Variants in TF observed in about 807,000 individuals in gnomAD.
TF encodes the protein serotransferrin.
Under a neutral mutation model 82.4 loss-of-function variants are expected in TF, and 55 were observed. The observed-to-expected ratio is 0.67, with a 90% confidence interval of 0.54 to 0.84. The LOEUF is 0.84. Ranked by LOEUF, TF falls within the 40% of genes least tolerant of loss-of-function variation. The probability of loss-of-function intolerance (pLI) is 0.00; values close to 1 mark genes in which losing one functional copy is unlikely to be tolerated. For missense variants in TF, 737 were observed against 868.4 expected (o/e 0.85, Z 1.90); for synonymous variants, 332 against 332.6 (o/e 1.00, Z 0.02).
At chr3:133,732,995 C>A in the TF span, among the ~76,000 whole-genome samples, 2 of 152,174 alleles carry the variant, frequency 1.3e-5, no homozygotes, top group African/African-American at 4.8e-5. Flanking sequence ...CTTCTCTTGT[C>A]CTAATTCGTG....
At chr3:133,709,279 T>G in the TF span, among the ~76,000 whole-genome samples, 1 of 152,252 alleles carries the variant, frequency 6.6e-6, no homozygotes, top group South Asian at 2.1e-4. Flanking sequence ...CCTTTTACAC[T>G]AAGAACACAG....
the TF span, among the ~76,000 whole-genome samples, chr3:133,679,569 CTTTTTTTT>C: frequency 9.3e-5 from 7 of 75,382 alleles, no homozygotes. Context: ...CTTTGTTTGG[CTTTTTTTT>C]TTTTTTTTTT....
chr3:133,776,447 A>C (rs1432357645), intron 15 of TF, among the ~76,000 whole-genome samples: 1 of 152,202 alleles, frequency 6.6e-6, no homozygotes. Flanking sequence ...TTTTAAAAAA[A>C]ATAAGAGTAT....
the TF span, among the ~76,000 whole-genome samples, chr3:133,729,815 T>G: frequency 1.1e-4 from 16 of 151,966 alleles, no homozygotes; most frequent in Non-Finnish European, 2.4e-4. Context: ...CTCCCCCCCG[T>G]TTGGTTCTTT....
the TF span, among the ~76,000 whole-genome samples, chr3:133,691,213 T>G: frequency 2.0e-4 from 31 of 152,322 alleles, no homozygotes; most frequent in African/African-American, 7.2e-4. Context: ...GCTGTGAAGT[T>G]GCTTGCTTCT....
Position 133,777,692 on chromosome 3 carries a change from T to C in TF, c.2062+454T>C, listed in dbSNP as rs1404574688. 5 of 182,976 alleles carry C rather than the reference T, an allele frequency of 2.7e-5. No homozygotes were observed. In the East Asian group the frequency reaches 6.9e-4, roughly 25 times the overall value. The allele number at this position is 182,976 out of a possible 1,614,324, so 11.3% of individuals were successfully genotyped here. A position where few individuals can be genotyped will look rare whatever the true frequency, so the allele number is the denominator to read the frequency against. ...CTCAACAGCCACATGTGGCTCCATA[T>C]TGGTCAGCAAAGAGAATGTTTGCAT... On this transcript the variant is annotated intron_variant, in intron 16 of 16. Transcript: ENST00000402696.
Position 133,778,770 on chromosome 3 carries a change from A to G in TF, c.*150A>G. ...CATGTGTGCTGAACAAAAAATAAAA[A>G]TTATTATTGATTTTATATTTCAAAA... is the stretch of plus-strand genomic sequence containing the variant. On this transcript the variant is annotated 3_prime_UTR_variant, in exon 17 of 17. Coordinates refer to ENST00000402696, the MANE Select transcript of TF (RefSeq NM_001063.4). 1 of 664,552 alleles carries G rather than the reference A, an allele frequency of 1.5e-6. No individual in the cohort carries two copies. Among genetic ancestry groups the G allele is most frequent in the Non-Finnish European group, 2.5e-6 (1 of 392,308 alleles). The allele number at this position is 664,552 out of a possible 1,614,324, so 41.2% of individuals were successfully genotyped here. A position where few individuals can be genotyped will look rare whatever the true frequency, so the allele number is the denominator to read the frequency against.
the TF span, among the ~76,000 whole-genome samples, chr3:133,723,698 G>A: frequency 6.9e-4 from 102 of 147,158 alleles, no homozygotes; most frequent in South Asian, 1.9e-3. Flanking sequence ...GGGTACATGT[G>A]CACAATCTGC....
At chr3:133,735,957 A>C in the TF span, among the ~76,000 whole-genome samples, 1 of 152,168 alleles carries the variant, frequency 6.6e-6, no homozygotes, top group African/African-American at 2.4e-5. Flanking sequence ...TACAGAGAAC[A>C]TCACAAAGAT....
chr3:133,745,921 G>T, upstream of TF: 1 of 179,044 alleles, frequency 5.6e-6, no homozygotes, highest in Non-Finnish European at 1.2e-5. Flanking sequence ...TTGACCTTGA[G>T]CCCAGCTTGT....
At position 133,779,983 on chromosome 3, in the gene TF, C is replaced by T. The variant is rs1199738545; in HGVS notation, c.*1363C>T. 1 of 152,240 alleles carries T rather than the reference C, an allele frequency of 6.6e-6. No individual in the cohort carries two copies. The highest frequency in any genetic ancestry group is 1.5e-5 in the Non-Finnish European group (1 of 68,056). The allele number at this position is 152,240 out of a possible 1,614,324, so 9.4% of individuals were successfully genotyped here. A position where few individuals can be genotyped will look rare whatever the true frequency, so the allele number is the denominator to read the frequency against. Reference sequence around the variant, plus strand: ...ACACTACATCCAGCGTCACCAAGTTCTGTTGATTTTGCTTTCTAAATAACT... The same window carrying T: ...ACACTACATCCAGCGTCACCAAGTTTTGTTGATTTTGCTTTCTAAATAACT... On this transcript the variant is annotated 3_prime_UTR_variant, in exon 17 of 17. Transcript: ENST00000402696.
At chr3:133,663,908 G>A in the TF span, among the ~76,000 whole-genome samples, 1 of 152,220 alleles carries the variant, frequency 6.6e-6, no homozygotes, top group African/African-American at 2.4e-5. Flanking sequence ...CCAGAGGAGT[G>A]ACCTGTCTTT....
chr3:133,757,710 C>G (rs1933874150), intron 7 of TF, 59 bp from the exon 8 acceptor site: 1 of 1,506,354 alleles, frequency 6.6e-7, no homozygotes, highest in East Asian at 2.3e-5. Context: ...TCTTCAGTCC[C>G]ATTTCTCAGC....
the TF span, among the ~76,000 whole-genome samples, chr3:133,734,971 G>A: frequency 6.6e-6 from 1 of 152,212 alleles, no homozygotes. Flanking sequence ...AGAGTTAAAT[G>A]TAACATGTGG....
the TF span, among the ~76,000 whole-genome samples, chr3:133,679,609 A>G: frequency 2.9e-4 from 22 of 76,724 alleles, no homozygotes; most frequent in Non-Finnish European, 4.7e-5. Flanking sequence ...GCATAATTGT[A>G]TTGAGATTCA....
chr3:133,703,307 C>G, the TF span, among the ~76,000 whole-genome samples: 1 of 151,962 alleles, frequency 6.6e-6, no homozygotes, highest in Admixed American at 6.6e-5. Flanking sequence ...TAATTTTTAC[C>G]CAACTTATGG....
intron 13 of TF, among the ~76,000 whole-genome samples, chr3:133,768,981 A>G (rs1934196766): frequency 6.6e-6 from 1 of 151,822 alleles, no homozygotes; most frequent in African/African-American, 2.4e-5. Flanking sequence ...TTTTGTAGAG[A>G]CAGGGTTTTG....
chr3:133,761,486 A>G (rs1361042859), intron 9 of TF: 1 of 152,052 alleles, frequency 6.6e-6, no homozygotes. Flanking sequence ...ATAGTGAGAC[A>G]CCATCTCAAA....
chr3:133,694,054 A>T, the TF span, among the ~76,000 whole-genome samples: 1 of 152,162 alleles, frequency 6.6e-6, no homozygotes, highest in African/African-American at 2.4e-5. Flanking sequence ...CACCTCCAGC[A>T]GGCTGCACTG....
Sources: gnomAD v4.1 joint callset for allele counts (sites outside exome capture counted in the v4.1 genomes callset) on GRCh38, gnomAD v4.1.1 for gene constraint, MANE v1.5 for transcripts, NCBI Gene and HGNC (gene_info 2026-07-23, HGNC 2026-07-21) for gene names.